BLTP1: variants seen among roughly 807,000 people sequenced by gnomAD.
BLTP1 encodes the protein fragile site-associated protein.
At chr4:122,355,571 A>G in the BLTP1 span, among the ~76,000 whole-genome samples, 1 of 147,770 alleles carries the variant, frequency 6.8e-6, no homozygotes, top group Non-Finnish European at 1.5e-5. Context: ...TATCATATGT[A>G]TATATATAAA....
the BLTP1 span, chr4:122,249,796 AAG>A: frequency 6.8e-7 from 1 of 1,460,306 alleles, no homozygotes; most frequent in Non-Finnish European, 9.2e-7. Flanking sequence ...ATAAAGCAGA[AAG>A]TGTGGTATCT....
chr4:122,311,915 T>G, the BLTP1 span, among the ~76,000 whole-genome samples: 6 of 152,172 alleles, frequency 3.9e-5, no homozygotes, highest in African/African-American at 1.2e-4. Context: ...GGGAAGAGAC[T>G]AGTTGATTTC....
the BLTP1 span, among the ~76,000 whole-genome samples, chr4:122,335,893 C>T: frequency 6.6e-6 from 1 of 152,040 alleles, no homozygotes; most frequent in Admixed American, 6.6e-5. Flanking sequence ...TTCTCTATAT[C>T]TTCTTAAATG....
chr4:122,240,031 A>T, the BLTP1 span: 1 of 1,614,196 alleles, frequency 6.2e-7, no homozygotes, highest in East Asian at 2.2e-5. Flanking sequence ...AGCATTCAGG[A>T]TTCCAGAACT....
chr4:122,350,034 G>A, the BLTP1 span: 11,186 of 1,613,740 alleles, frequency 6.9e-3, 666 homozygotes, highest in African/African-American at 0.13. Context: ...TTCCGCCAAA[G>A]ACAATGACTA....
At chr4:122,247,665 A>G in the BLTP1 span, 1 of 1,126,372 alleles carries the variant, frequency 8.9e-7, no homozygotes, top group South Asian at 2.5e-5. Flanking sequence ...TATAGAACAG[A>G]GAAGACATGA....
At chr4:122,290,949 C>T in the BLTP1 span, 1 of 785,478 alleles carries the variant, frequency 1.3e-6, no homozygotes, top group Non-Finnish European at 1.5e-6. Context: ...TCTTGTATTT[C>T]TTATGGTAAA....
At chr4:122,271,165 G>T in the BLTP1 span, 33 of 1,613,904 alleles carry the variant, frequency 2.0e-5, 1 homozygote, top group East Asian at 4.5e-4. Flanking sequence ...TCAGCAAGCG[G>T]TATTATAACA....
chr4:122,243,748 T>C, the BLTP1 span: 1 of 1,299,818 alleles, frequency 7.7e-7, no homozygotes, highest in Non-Finnish European at 9.9e-7. Flanking sequence ...TCCAATTCCA[T>C]AAAATTTTTA....
chr4:122,300,879 A>T, the BLTP1 span: 1 of 967,660 alleles, frequency 1.0e-6, no homozygotes, highest in Non-Finnish European at 1.2e-6. Context: ...AGATATTAAG[A>T]TATTAGAACA....
the BLTP1 span, chr4:122,175,096 G>A: frequency 1.0e-6 from 1 of 965,222 alleles, no homozygotes; most frequent in South Asian, 4.8e-5. Context: ...ATATAATAAG[G>A]ATATGATTGA....
At chr4:122,202,146 T>C in the BLTP1 span, among the ~76,000 whole-genome samples, 1 of 152,138 alleles carries the variant, frequency 6.6e-6, no homozygotes, top group Admixed American at 6.6e-5. Context: ...CCTTGGGGAC[T>C]AGATAGACTG....
the BLTP1 span, chr4:122,293,225 G>T: frequency 1.0e-6 from 1 of 965,640 alleles, no homozygotes; most frequent in Non-Finnish European, 1.2e-6. Context: ...AATAAAACTT[G>T]ATTGACACAA....
At chr4:122,210,082 A>G in the BLTP1 span, 394 of 911,114 alleles carry the variant, frequency 4.3e-4, 3 homozygotes, top group African/African-American at 6.6e-3. Context: ...CCTTTTGAGC[A>G]TTTACTTTGT....
At chr4:122,196,760 C>A in the BLTP1 span, 3 of 1,597,706 alleles carry the variant, frequency 1.9e-6, no homozygotes, top group Non-Finnish European at 2.6e-6. Flanking sequence ...ATTGCAGATG[C>A]TACAATTGAT....
chr4:122,343,400 C>A, the BLTP1 span: 1 of 1,612,586 alleles, frequency 6.2e-7, no homozygotes, highest in Non-Finnish European at 8.5e-7. Flanking sequence ...ATTTCCTGTG[C>A]TCACTGTAGG....
chr4:122,174,731 A>G, the BLTP1 span: 1 of 1,111,240 alleles, frequency 9.0e-7, no homozygotes, highest in Non-Finnish European at 1.3e-6. Flanking sequence ...ATGATATTTT[A>G]TTGAATGTGA....
chr4:122,307,872 C>A, the BLTP1 span: 1 of 1,537,080 alleles, frequency 6.5e-7, no homozygotes, highest in Non-Finnish European at 8.7e-7. Context: ...GATTTTGCAG[C>A]TTTTGAGTTT....
chr4:122,259,209 T>G, the BLTP1 span, among the ~76,000 whole-genome samples: 6 of 152,266 alleles, frequency 3.9e-5, no homozygotes, highest in African/African-American at 1.2e-4. Flanking sequence ...ATGATTTTAA[T>G]TTTTTTGGTT....
Sources: gnomAD v4.1 joint callset for allele counts (sites outside exome capture counted in the v4.1 genomes callset) on GRCh38, gnomAD v4.1.1 for gene constraint, MANE v1.5 for transcripts, NCBI Gene and HGNC (gene_info 2026-07-23, HGNC 2026-07-21) for gene names.